Variants in TXNRD1 observed in about 807,000 individuals in gnomAD.
TXNRD1 encodes the protein thioredoxin reductase 1, cytoplasmic.
Under a neutral mutation model 80.3 loss-of-function variants are expected in TXNRD1, and 57 were observed. The observed-to-expected ratio is 0.71, with a 90% CI of 0.57 to 0.89. TXNRD1 has a LOEUF of 0.89. Among genes scored for constraint, TXNRD1 ranks in the 40% least tolerant of loss-of-function variants. TXNRD1 has a pLI of 0.00. For missense variants in TXNRD1, 730 were observed against 803.0 expected, an observed-to-expected ratio of 0.91 and a Z score of 1.10; for synonymous variants, 291 against 285.2, an observed-to-expected ratio of 1.02 and a Z score of -0.20.
intron 3 of TXNRD1, among the ~76,000 whole-genome samples, chr12:104,280,938 G>C (rs1050726294): frequency 1.3e-5 from 2 of 152,120 alleles, no homozygotes; most frequent in Non-Finnish European, 2.9e-5. Context: ...TCTCTGAAGA[G>C]CTGTGACTAA....
intron 1 of TXNRD1, among the ~76,000 whole-genome samples, chr12:104,217,538 G>C (rs965726916): frequency 6.6e-6 from 1 of 152,052 alleles, no homozygotes; most frequent in Non-Finnish European, 1.5e-5. Flanking sequence ...TTGAACTCCT[G>C]ACCTCAGGTG....
At chr12:104,238,123 GCGT>G (rs900211716) in intron 1 of TXNRD1, among the ~76,000 whole-genome samples, 25 of 152,142 alleles carry the variant, frequency 1.6e-4, no homozygotes, top group African/African-American at 6.0e-4. Flanking sequence ...TAAAATGCAA[GCGT>G]CATCAAAATG....
chr12:104,272,887 C>T (rs926294639), intron 3 of TXNRD1, among the ~76,000 whole-genome samples: 1 of 151,464 alleles, frequency 6.6e-6, no homozygotes, highest in Admixed American at 6.6e-5. Flanking sequence ...TCATATCTAA[C>T]ACTGAGGCAG....
intron 3 of TXNRD1, chr12:104,265,196 G>A: frequency 2.0e-6 from 2 of 976,872 alleles, no homozygotes; most frequent in Non-Finnish European, 1.5e-6. Flanking sequence ...AGGTTGCAGT[G>A]AGCTGAGATC....
chr12:104,229,642 G>T (rs186011707), intron 1 of TXNRD1, among the ~76,000 whole-genome samples: 2 of 146,980 alleles, frequency 1.4e-5, no homozygotes, highest in East Asian at 4.2e-4. Flanking sequence ...GCCCAGGCTG[G>T]AGTGCAATGG....
intron 4 of TXNRD1, chr12:104,304,854 T>C: frequency 6.2e-7 from 1 of 1,613,972 alleles, no homozygotes; most frequent in South Asian, 1.1e-5. Context: ...CAGGGAGTTA[T>C]ATCTTTGACT....
At position 104,292,608 on chromosome 12, in the gene TXNRD1, T is replaced by C. The variant is rs908617553; in HGVS notation, c.414+3568T>C. ...TGTGGTTTTGCCATGTTGGTCGGGC[T>C]GGTCTCGATCTCCTGACCACAGGTG... is the stretch of plus-strand genomic sequence containing the variant. On this transcript the variant is annotated intron_variant, in intron 4 of 16. Transcript: ENST00000525566. Among the ~76,000 whole-genome samples, 4 of 151,598 alleles carry C rather than the reference T, an allele frequency of 2.6e-5. No individual in the cohort carries two copies. The South Asian group carries it at 8.3e-4, about 31-fold the overall frequency.
intron 1 of TXNRD1, among the ~76,000 whole-genome samples, chr12:104,226,774 G>A (rs146424757): frequency 1.2e-4 from 19 of 152,236 alleles, no homozygotes; most frequent in African/African-American, 4.1e-4. Flanking sequence ...CCGTAAATGC[G>A]TAGAAAATGT....
At chr12:104,339,420 T>C (rs1464777213) in intron 16 of TXNRD1, 147 bp downstream of exon 16, 1 of 1,127,166 alleles carries the variant, frequency 8.9e-7, no homozygotes. Context: ...TTAGTTTTTG[T>C]CTTTCAATAC....
chr12:104,297,514 C>T (rs373070587), intron 4 of TXNRD1, among the ~76,000 whole-genome samples: 29 of 151,980 alleles, frequency 1.9e-4, no homozygotes, highest in African/African-American at 6.3e-4. Flanking sequence ...TGCAGGCATG[C>T]GCCACCACGT....
At chr12:104,267,184 T>A (rs1307429750) in intron 3 of TXNRD1, among the ~76,000 whole-genome samples, 2 of 143,916 alleles carry the variant, frequency 1.4e-5, no homozygotes, top group African/African-American at 5.1e-5. Context: ...AAAAAAATAA[T>A]ATAATAATTA....
At chr12:104,304,466 GAA>G (rs2034797365) in intron 4 of TXNRD1, 1 of 1,613,886 alleles carries the variant, frequency 6.2e-7, no homozygotes. Context: ...ATTCAAGCTA[GAA>G]CGTTCTGCAC....
At chr12:104,326,258 A>G in intron 11 of TXNRD1, 89 bp from the exon 12 acceptor site, 2 of 847,182 alleles carry the variant, frequency 2.4e-6, no homozygotes, top group Non-Finnish European at 3.7e-6. Flanking sequence ...ATGAAATCAG[A>G]TTAGCTTAAT....
chr12:104,318,584 T>G (rs1445044932), intron 7 of TXNRD1, among the ~76,000 whole-genome samples: 1 of 152,240 alleles, frequency 6.6e-6, no homozygotes, highest in Non-Finnish European at 1.5e-5. Flanking sequence ...TCTTGGATTT[T>G]CTTACAAACA....
intron 3 of TXNRD1, among the ~76,000 whole-genome samples, chr12:104,268,675 G>A (rs970413049): frequency 1.3e-5 from 2 of 151,540 alleles, no homozygotes; most frequent in Non-Finnish European, 2.9e-5. Flanking sequence ...GCACTACCAC[G>A]CCTGGCTAAT....
At chr12:104,341,775 G>A (rs886775242) in intron 16 of TXNRD1, among the ~76,000 whole-genome samples, 2 of 152,120 alleles carry the variant, frequency 1.3e-5, no homozygotes, top group East Asian at 1.9e-4. Context: ...GATCCTGCAA[G>A]GGCTCATTCC....
chr12:104,300,650 A>G (rs2135775114), intron 4 of TXNRD1, among the ~76,000 whole-genome samples: 2 of 152,264 alleles, frequency 1.3e-5, no homozygotes, highest in South Asian at 4.2e-4. Context: ...CTTTGTAGCA[A>G]TGTCTAAAGG....
chr12:104,301,483 G>A (rs1421280709), intron 4 of TXNRD1, among the ~76,000 whole-genome samples: 3 of 152,070 alleles, frequency 2.0e-5, no homozygotes, highest in African/African-American at 2.4e-5. Flanking sequence ...GACTACAGGC[G>A]CCTGCAACCA....
chr12:104,272,568 G>C (rs1046034954), intron 3 of TXNRD1, among the ~76,000 whole-genome samples: 3 of 152,174 alleles, frequency 2.0e-5, no homozygotes, highest in Non-Finnish European at 4.4e-5. Flanking sequence ...GCCAAGGCGA[G>C]CAGATCACGA....
Sources: gnomAD v4.1 joint callset for allele counts (sites outside exome capture counted in the v4.1 genomes callset) on GRCh38, gnomAD v4.1.1 for gene constraint, MANE v1.5 for transcripts, NCBI Gene and HGNC (gene_info 2026-07-23, HGNC 2026-07-21) for gene names.